CLIC4: variants seen among roughly 807,000 people sequenced by gnomAD.
CLIC4 encodes chloride intracellular channel protein 4.
In CLIC4, 13 loss-of-function variants were observed where a neutral mutation model predicts 24.6. That is an observed-to-expected ratio of 0.53 (90% CI 0.34 to 0.84). CLIC4 has a LOEUF of 0.84. Among genes scored for constraint, CLIC4 ranks in the 40% least tolerant of loss-of-function variants. The pLI is 0.01. For synonymous variants in CLIC4, 104 were observed against 111.3 expected, an observed-to-expected ratio of 0.93 and a Z score of 0.41; for missense variants, 227 against 301.7, an observed-to-expected ratio of 0.75 and a Z score of 1.83.
chr1:24,770,553 T>C (rs186387300), intron 1 of CLIC4, among the ~76,000 whole-genome samples: 87 of 152,266 alleles, frequency 5.7e-4, no homozygotes, highest in African/African-American at 2.0e-3. Flanking sequence ...CCTTTGCTTC[T>C]TTAAAAAAAG....
chr1:24,827,762 C>A (rs1039807563), intron 4 of CLIC4, among the ~76,000 whole-genome samples: 3 of 152,030 alleles, frequency 2.0e-5, no homozygotes, highest in African/African-American at 7.2e-5. Context: ...TATTAAAGGA[C>A]ACTATTTTTA....
chr1:24,791,768 C>T (rs754147310), intron 1 of CLIC4, among the ~76,000 whole-genome samples: 81 of 152,016 alleles, frequency 5.3e-4, no homozygotes, highest in Non-Finnish European at 1.0e-3. Context: ...CCGAGTTACT[C>T]GGGAGGTTGA....
chr1:24,831,115 C>A (rs1044789971), intron 4 of CLIC4, among the ~76,000 whole-genome samples: 4 of 152,154 alleles, frequency 2.6e-5, no homozygotes, highest in African/African-American at 7.2e-5. Context: ...TGAAAAATTA[C>A]TAACACCGTA....
At chr1:24,820,970 G>GC (rs1237315330) in intron 3 of CLIC4, among the ~76,000 whole-genome samples, 1 of 152,156 alleles carries the variant, frequency 6.6e-6, no homozygotes, top group Non-Finnish European at 1.5e-5. Flanking sequence ...GATGACTTGA[G>GC]CTCAGGAGTT....
chr1:24,794,351 G>GTT lies in CLIC4; in HGVS notation c.73-3376_73-3375dup, dbSNP rs767444585. ...TTTCTCTACAACTTTGCCAGCATCT[G>GTT]TTTTTTTTTTTTTTTTACTTTTTGA... is the stretch of plus-strand genomic sequence containing the variant. On this transcript the variant is annotated intron_variant, in intron 1 of 5. Coordinates refer to ENST00000374379, the MANE Select transcript of CLIC4 (RefSeq NM_013943.3). Among the ~76,000 whole-genome samples, 1,178 of 130,798 alleles carry GTT rather than the reference G, an allele frequency of 9.0e-3. 11 individuals are homozygous for GTT. Among genetic ancestry groups the GTT allele is most frequent in the Non-Finnish European group, 0.011 (621 of 59,114 alleles). The allele number at this position is 130,798 out of a possible 152,430, so 85.8% of individuals were successfully genotyped here. A position where few individuals can be genotyped will look rare whatever the true frequency, so the allele number is the denominator to read the frequency against.
chr1:24,785,082 C>CT (rs71577732), intron 1 of CLIC4, among the ~76,000 whole-genome samples: 3,137 of 137,484 alleles, frequency 0.023, 32 homozygotes, highest in Non-Finnish European at 0.033. Context: ...TTATGTAGAC[C>CT]TTTTTTTTTT....
At chr1:24,803,623 GA>G (rs913124872) in intron 2 of CLIC4, among the ~76,000 whole-genome samples, 2 of 151,760 alleles carry the variant, frequency 1.3e-5, no homozygotes, top group African/African-American at 2.4e-5. Context: ...CGTTTAGATA[GA>G]AAAAAAAGGG....
At chr1:24,827,542 G>GTT (rs35037847) in intron 4 of CLIC4, among the ~76,000 whole-genome samples, 8 of 95,824 alleles carry the variant, frequency 8.3e-5, no homozygotes, top group African/African-American at 1.6e-4. Flanking sequence ...TCAGTCTGAG[G>GTT]TTTTTTTTTT....
At chr1:24,799,736 C>A (rs1197467516) in intron 2 of CLIC4, among the ~76,000 whole-genome samples, 1 of 118,672 alleles carries the variant, frequency 8.4e-6, no homozygotes, top group Non-Finnish European at 1.8e-5. Flanking sequence ...CCGCCCCGTC[C>A]GGGAGGGAGG....
intron 4 of CLIC4, among the ~76,000 whole-genome samples, chr1:24,837,312 A>G (rs1639896199): frequency 6.6e-6 from 1 of 152,190 alleles, no homozygotes; most frequent in Admixed American, 6.5e-5. Context: ...TAATTTTGAA[A>G]CTATTGGAGA....
At chr1:24,814,037 T>C in intron 2 of CLIC4, 57 bp from the exon 3 acceptor site, 1 of 1,607,020 alleles carries the variant, frequency 6.2e-7, no homozygotes, top group East Asian at 2.2e-5. Flanking sequence ...ATTTAAAGTA[T>C]TATTGTTGTT....
rs1639648950 is a variant in CLIC4 at position 24,814,465 on chromosome 1, A to G, written c.308+246A>G. 2.6e-5 allele frequency among the ~76,000 whole-genome samples: 4 copies of G among 152,340 alleles called. 1 individual carries two copies. In the South Asian group the frequency reaches 8.3e-4, roughly 32 times the overall value. On this transcript the variant is annotated intron_variant, in intron 3 of 5. Transcript: ENST00000374379. The stretch of plus-strand genomic sequence containing the variant: ...TAGAAACAGATTTGGGATGTGTCTG[A>G]TAGGTCAGGAAAGACTGGTTATTTG...
At chr1:24,770,562 A>G (rs1639058834) in intron 1 of CLIC4, among the ~76,000 whole-genome samples, 1 of 152,204 alleles carries the variant, frequency 6.6e-6, no homozygotes, top group South Asian at 2.1e-4. Flanking sequence ...CTTTAAAAAA[A>G]GAATAAAAAA....
In CLIC4 at chr1:24,778,780, C is replaced by T. The variant is rs150331198; in HGVS notation, c.73-18962C>T. Among the ~76,000 whole-genome samples, 143 of 152,218 alleles carry T rather than the reference C, an allele frequency of 9.4e-4. 3 individuals are homozygous for T. In the South Asian group the frequency reaches 0.017, roughly 18 times the overall value. ...TCGTTTTCATCATGGGTCTATTGTG[C>T]CTAGATGGAAAGTCTGGTCATTGTA... On this transcript the variant is annotated intron_variant, in intron 1 of 5. Coordinates refer to ENST00000374379, the MANE Select transcript of CLIC4 (RefSeq NM_013943.3).
chr1:24,830,461 T>A (rs957868676), intron 4 of CLIC4, among the ~76,000 whole-genome samples: 4 of 152,154 alleles, frequency 2.6e-5, no homozygotes, highest in African/African-American at 9.7e-5. Flanking sequence ...CAAGTTTTTT[T>A]TTTTTCTTCA....
chr1:24,838,609 G>C (rs921094069), intron 4 of CLIC4, among the ~76,000 whole-genome samples: 2 of 152,086 alleles, frequency 1.3e-5, no homozygotes, highest in African/African-American at 4.8e-5. Context: ...GCCACCTCAT[G>C]ATATTTAACT....
intron 1 of CLIC4, among the ~76,000 whole-genome samples, chr1:24,792,473 T>G (rs978401255): frequency 3.3e-5 from 5 of 152,206 alleles, no homozygotes; most frequent in African/African-American, 1.2e-4. Context: ...ATTACGGGCA[T>G]GAACTATTGT....
chr1:24,837,681 A>G (rs1639899500), intron 4 of CLIC4, among the ~76,000 whole-genome samples: 1 of 152,194 alleles, frequency 6.6e-6, no homozygotes, highest in South Asian at 2.1e-4. Flanking sequence ...AGGTAGTACA[A>G]CCAAGTTGGG....
chr1:24,774,626 C>T (rs187406584), intron 1 of CLIC4, among the ~76,000 whole-genome samples: 18 of 152,090 alleles, frequency 1.2e-4, no homozygotes, highest in African/African-American at 3.4e-4. Flanking sequence ...GACCCTGTCT[C>T]TACAAAAAAT....
Sources: gnomAD v4.1 joint callset for allele counts (sites outside exome capture counted in the v4.1 genomes callset) on GRCh38, gnomAD v4.1.1 for gene constraint, MANE v1.5 for transcripts, NCBI Gene and HGNC (gene_info 2026-07-23, HGNC 2026-07-21) for gene names.